Variants in ABCA4 observed in about 807,000 individuals in gnomAD.
The protein encoded by ABCA4 is ATP binding cassette subfamily A member 4, also known as retinal-specific phospholipid-transporting ATPase ABCA4.
A neutral mutation model predicts 263.7 loss-of-function variants in ABCA4; 196 were observed. The observed-to-expected ratio is 0.74, with a 90% confidence interval of 0.66 to 0.84. The LOEUF is 0.84. Ranked by LOEUF, ABCA4 falls within the 40% of genes least tolerant of loss-of-function variation. The pLI is 0.00. For synonymous variants in ABCA4, 1,133 were observed against 1,094.2 expected, an observed-to-expected ratio of 1.04 and a Z score of -0.70; for missense variants, 2,792 against 2,855.1, an observed-to-expected ratio of 0.98 and a Z score of 0.50.
chr1:94,099,396 CT>C (rs1382513750), intron 5 of ABCA4, among the ~76,000 whole-genome samples: 3 of 152,250 alleles, frequency 2.0e-5, no homozygotes, highest in Non-Finnish European at 4.4e-5. Flanking sequence ...GATGCCCTAA[CT>C]TTCAGACTTG....
At chr1:94,113,348 A>G (rs1397629534) in intron 1 of ABCA4, among the ~76,000 whole-genome samples, 2 of 152,256 alleles carry the variant, frequency 1.3e-5, no homozygotes, top group Non-Finnish European at 2.9e-5. Context: ...CATCAAGATC[A>G]TCTGCTTCAG....
At chr1:94,088,215 C>T (rs960978454) in intron 6 of ABCA4, among the ~76,000 whole-genome samples, 1 of 152,178 alleles carries the variant, frequency 6.6e-6, no homozygotes, top group African/African-American at 2.4e-5. Flanking sequence ...CTTTTCTCAA[C>T]ATTTTGATCA....
chr1:94,011,441 T>G, intron 38 of ABCA4, 56 bp from the exon 39 acceptor site: 1 of 1,610,386 alleles, frequency 6.2e-7, no homozygotes, highest in Middle Eastern at 1.7e-4. Flanking sequence ...CCCCCTCTCT[T>G]CAGCAGGTGG....
intron 47 of ABCA4, 123 bp from the exon 48 acceptor site, chr1:93,998,233 G>T: frequency 7.5e-7 from 1 of 1,327,696 alleles, no homozygotes; most frequent in Non-Finnish European, 1.1e-6. Context: ...GCTCACACCT[G>T]AAATCCCAGC....
At chr1:94,022,485 G>A (rs745716075) in intron 32 of ABCA4, among the ~76,000 whole-genome samples, 1 of 152,016 alleles carries the variant, frequency 6.6e-6, no homozygotes, top group Admixed American at 6.5e-5. Context: ...CCTACCTCTC[G>A]GGGCTTCTGT....
chr1:93,994,427 A>G (rs546198804), intron 49 of ABCA4, among the ~76,000 whole-genome samples: 77 of 152,354 alleles, frequency 5.1e-4, no homozygotes, highest in Middle Eastern at 3.4e-3. Flanking sequence ...TGTAAAGCCA[A>G]TGGCCAGATG....
At chr1:94,051,080 C>A (rs1660828284) in intron 17 of ABCA4, among the ~76,000 whole-genome samples, 1 of 152,350 alleles carries the variant, frequency 6.6e-6, no homozygotes, top group East Asian at 1.9e-4. Context: ...GTGTTGTGGG[C>A]AAATGCCCTT....
chr1:94,037,660 G>A (rs890253549), intron 24 of ABCA4, among the ~76,000 whole-genome samples: 1 of 152,140 alleles, frequency 6.6e-6, no homozygotes, highest in African/African-American at 2.4e-5. Flanking sequence ...TCTGTTCAAC[G>A]AAATGCTCTG....
At chr1:94,086,874 G>A (rs1249590788) in intron 6 of ABCA4, among the ~76,000 whole-genome samples, 1 of 152,160 alleles carries the variant, frequency 6.6e-6, no homozygotes, top group Admixed American at 6.5e-5. Flanking sequence ...GATCAGCACT[G>A]TCTTAGTTCA....
intron 38 of ABCA4, among the ~76,000 whole-genome samples, chr1:94,012,870 G>A (rs965200436): frequency 1.3e-5 from 2 of 150,014 alleles, no homozygotes; most frequent in African/African-American, 5.1e-5. Context: ...GCACACACCC[G>A]GCACGTGGTG....
At chr1:94,095,933 A>T (rs4147822) in intron 6 of ABCA4, among the ~76,000 whole-genome samples, 4 of 151,490 alleles carry the variant, frequency 2.6e-5, no homozygotes, top group Middle Eastern at 3.4e-3. Flanking sequence ...ACTGAGGCCG[A>T]CTACGGCAGA....
chr1:94,014,757 A>G, intron 37 of ABCA4, 67 bp from the exon 38 acceptor site: 4 of 1,597,730 alleles, frequency 2.5e-6, no homozygotes, highest in Non-Finnish European at 3.4e-6. Context: ...ATACGTCTGG[A>G]TATAATGCAC....
Position 94,098,915 on chromosome 1 carries a change from A to G in ABCA4, c.647T>C (p.Phe216Ser), listed in dbSNP as rs763461421. 1 of 1,613,796 alleles carries G rather than the reference A, an allele frequency of 6.2e-7. No individual in the cohort carries two copies. Among genetic ancestry groups the G allele is most frequent in the Non-Finnish European group, 8.5e-7 (1 of 1,180,032 alleles). The change falls in exon 6 of 50, where the codon TTC (phenylalanine) becomes TCC (serine). Residue 216 changes from phenylalanine to serine, a missense_variant. Coordinates refer to ENST00000370225, the MANE Select transcript of ABCA4 (RefSeq NM_000350.3). Reference protein sequence around the residue: ...SEALLERFIIFSQRRGAKTVR... With the variant: ...SEALLERFIISSQRRGAKTVR... ...CGTCTTTGCCCCGCGTCTCTGGCTG[A>G]AGATGATGAAGCGCTCCAGGAGGGC...
Position 94,109,287 on chromosome 1 carries a change from C to T in ABCA4, c.303-571G>A, listed in dbSNP as rs1662532881. Among the ~76,000 whole-genome samples the T allele has an allele frequency of 3.3e-5, 5 of 152,168 alleles. No homozygotes were observed. In the South Asian group the frequency reaches 8.3e-4, roughly 25 times the overall value. Reference sequence around the variant, plus strand: ...TCTGTGTGTCTCTTGCCCAGAGAAGCCTTAAACAGGGTGACATTGGTGGAT... The same window carrying T: ...TCTGTGTGTCTCTTGCCCAGAGAAGTCTTAAACAGGGTGACATTGGTGGAT... On this transcript the variant is annotated intron_variant, in intron 3 of 49. Coordinates refer to ENST00000370225, the MANE Select transcript of ABCA4 (RefSeq NM_000350.3).
At chr1:94,076,112 T>C (rs1274763867) in intron 11 of ABCA4, among the ~76,000 whole-genome samples, 1 of 152,188 alleles carries the variant, frequency 6.6e-6, no homozygotes, top group Non-Finnish European at 1.5e-5. Flanking sequence ...GTTTCTTCTT[T>C]TGGGGAAACA....
rs1308614780 is a variant in ABCA4, at chr1:94,021,564, G to A, written c.4848+76C>T. ...AGGAGGAGGGATGGAATTTAATGAA[G>A]GTAGGAAAGTAAAAATAAAATAACC... On this transcript the variant is annotated intron_variant, in intron 34 of 49. Transcript: ENST00000370225. The A allele has an allele frequency of 8.6e-6, 13 of 1,508,160 alleles. No homozygotes were observed. In the African/African-American group the frequency reaches 1.4e-4, roughly 16 times the overall value. The allele number at this position is 1,508,160 out of a possible 1,614,324, so 93.4% of individuals were successfully genotyped here.
At chr1:94,090,211 T>C (rs1423968707) in intron 6 of ABCA4, among the ~76,000 whole-genome samples, 1 of 152,260 alleles carries the variant, frequency 6.6e-6, no homozygotes, top group Non-Finnish European at 1.5e-5. Flanking sequence ...TCATCAACGG[T>C]ATGATAAAAC....
chr1:94,020,649 C>T (rs1659870621), intron 35 of ABCA4, among the ~76,000 whole-genome samples: 1 of 152,208 alleles, frequency 6.6e-6, no homozygotes, highest in Non-Finnish European at 1.5e-5. Context: ...TCAGCGTGTG[C>T]TAGGATAGTA....
rs61748527 is a variant in ABCA4 at position 94,111,510 on chromosome 1, A to G, written c.230T>C (p.Val77Ala). The G allele has an allele frequency of 6.2e-7, 1 of 1,614,078 alleles. No homozygotes were observed. The highest frequency in any genetic ancestry group is 1.7e-5 in the Admixed American group (1 of 60,016). Residue 77 changes from valine to alanine, a missense_variant, in exon 3 of 50, where the codon GTG becomes GCG. By Grantham distance (64) the Val-to-Ala change is moderately conservative. Transcript: ENST00000370225. ...GGGGCTTTGAAAACAGGGATTGTTC[A>G]CATTGCAGAAGATCCCCTGGAGCCA... ...LPWLQGIFCN[V>A]NNPCFQSPTP...
Sources: allele counts gnomAD v4.1 joint callset (sites outside exome capture counted in the v4.1 genomes callset), GRCh38; gene constraint gnomAD v4.1.1; transcripts MANE v1.5; gene names NCBI Gene and HGNC (gene_info 2026-07-23, HGNC 2026-07-21).